Variants in NXPH2 observed in about 807,000 individuals in gnomAD.
NXPH2 encodes the protein neurexophilin 2.
A neutral mutation model predicts 19.8 loss-of-function variants in NXPH2; 5 were observed. The observed-to-expected ratio is 0.25, with a 90% confidence interval of 0.13 to 0.53. The LOEUF is 0.53. Among genes scored for constraint, NXPH2 ranks in the 20% least tolerant of loss-of-function variants. NXPH2 has a pLI of 0.96. For synonymous variants in NXPH2, 154 were observed against 127.4 expected, an observed-to-expected ratio of 1.21 and a Z score of -1.41; for missense variants, 289 against 322.8, an observed-to-expected ratio of 0.90 and a Z score of 0.80.
chr2:138,722,232 G>A (rs1681292839), intron 1 of NXPH2, among the ~76,000 whole-genome samples: 1 of 152,240 alleles, frequency 6.6e-6, no homozygotes. Flanking sequence ...ATTTAAGGTG[G>A]TCAAGAAAGG....
At position 138,670,969 on chromosome 2, in the gene NXPH2, GGC is replaced by G; in HGVS notation, c.746_747del (p.Cys249SerfsTer2). The G allele has an allele frequency of 6.2e-7, 1 of 1,613,766 alleles. No individual in the cohort carries two copies. Among genetic ancestry groups the G allele is most frequent in the Non-Finnish European group, 8.5e-7 (1 of 1,179,868 alleles). The part of the protein sequence containing the change: ...SVDYKLVQKV[C>X]PDYNYHSETP... ...GTCTCACTATGGTAATTGTAGTCAG[GGC>G]ACACCTTTTGCACGAGTTTATAATC... On this transcript the variant is annotated frameshift_variant, in exon 2 of 2. Transcript: ENST00000272641. LOFTEE classifies it high-confidence loss of function.
At chr2:138,688,545 A>C (rs898698001) in intron 1 of NXPH2, among the ~76,000 whole-genome samples, 8 of 152,182 alleles carry the variant, frequency 5.3e-5, no homozygotes, top group African/African-American at 1.9e-4. Context: ...TTACAAACTC[A>C]GCAGTGGGAC....
At chr2:138,673,244 T>A (rs1680438064) in intron 1 of NXPH2, among the ~76,000 whole-genome samples, 1 of 152,182 alleles carries the variant, frequency 6.6e-6, no homozygotes, top group South Asian at 2.1e-4. Context: ...CCTGAATTGA[T>A]ACTCCTTTCT....
intron 1 of NXPH2, among the ~76,000 whole-genome samples, chr2:138,692,249 C>T (rs1232639281): frequency 2.0e-5 from 3 of 152,166 alleles, no homozygotes; most frequent in East Asian, 1.9e-4. Flanking sequence ...CAGACCCAAT[C>T]CCTGATTTTT....
chr2:138,705,769 C>T (rs1050630909), intron 1 of NXPH2, among the ~76,000 whole-genome samples: 4 of 150,816 alleles, frequency 2.7e-5, no homozygotes, highest in Middle Eastern at 3.2e-3. Context: ...CTCTCTCTTT[C>T]TAGAGTCTTA....
intron 1 of NXPH2, among the ~76,000 whole-genome samples, chr2:138,674,034 G>A (rs763503303): frequency 9.9e-5 from 15 of 152,046 alleles, no homozygotes; most frequent in Non-Finnish European, 2.2e-4. Flanking sequence ...ACCCAGGCTG[G>A]AGGCATAATC....
chr2:138,674,117 A>G (rs976437703), intron 1 of NXPH2, among the ~76,000 whole-genome samples: 2 of 151,886 alleles, frequency 1.3e-5, no homozygotes, highest in Non-Finnish European at 2.9e-5. Flanking sequence ...AGCTAGGAAT[A>G]CAGGTGCACA....
At chr2:138,773,639 T>C (rs1354308368) in intron 1 of NXPH2, among the ~76,000 whole-genome samples, 1 of 152,180 alleles carries the variant, frequency 6.6e-6, no homozygotes, top group Non-Finnish European at 1.5e-5. Context: ...GGCGAATAAA[T>C]ATACCTGCTA....
At chr2:138,770,388 T>C (rs1682159088) in intron 1 of NXPH2, among the ~76,000 whole-genome samples, 1 of 152,118 alleles carries the variant, frequency 6.6e-6, no homozygotes, top group South Asian at 2.1e-4. Flanking sequence ...ATAATAAACT[T>C]CATACTTAGT....
intron 1 of NXPH2, among the ~76,000 whole-genome samples, chr2:138,713,807 T>C (rs776833327): frequency 4.6e-5 from 7 of 152,104 alleles, no homozygotes; most frequent in Non-Finnish European, 8.8e-5. Flanking sequence ...ATCAGGGGAA[T>C]CCAATGTGTT....
At position 138,670,696 on chromosome 2, in the gene NXPH2, TTTC is replaced by T; in HGVS notation, c.*223_*225del. On this transcript the variant is annotated 3_prime_UTR_variant, in exon 2 of 2. Coordinates refer to ENST00000272641, the MANE Select transcript of NXPH2 (RefSeq NM_007226.3). ...TAGTCATCTTGCATGAAAGTGATGG[TTTC>T]ATAAACAGTTTAACTTTTTAGATAA... is the stretch of plus-strand genomic sequence containing the variant. 2.4e-6 allele frequency: 1 copy of T among 420,574 alleles called. No homozygotes were observed. The highest frequency in any genetic ancestry group is 4.2e-6 in the Non-Finnish European group (1 of 238,970). 26.1% of individuals were successfully genotyped at this position (420,574 alleles called of 1,614,324 possible). A position where few individuals can be genotyped will look rare whatever the true frequency, so the allele number is the denominator to read the frequency against.
intron 1 of NXPH2, among the ~76,000 whole-genome samples, chr2:138,757,542 G>A (rs1188561168): frequency 6.6e-6 from 1 of 151,958 alleles, no homozygotes; most frequent in East Asian, 1.9e-4. Context: ...CGTCCTTGTG[G>A]CATTCCCGTT....
rs113104528 is a variant in NXPH2, at chr2:138,751,277, G to A, written c.51+28914C>T. ...AGATCCAGCTACCCACAGAAACCCA[G>A]ATAAGAAAGATAATATTTAGGGAAG... is the stretch of plus-strand genomic sequence containing the variant. On this transcript the variant is annotated intron_variant, in intron 1 of 1. Coordinates refer to ENST00000272641, the MANE Select transcript of NXPH2 (RefSeq NM_007226.3). Among the ~76,000 whole-genome samples, 81 of 152,226 alleles carry A rather than the reference G, an allele frequency of 5.3e-4. 1 individual carries two copies. The highest frequency in any genetic ancestry group is 7.9e-4 in the Non-Finnish European group (54 of 68,010).
chr2:138,704,482 T>C (rs915382882), intron 1 of NXPH2, among the ~76,000 whole-genome samples: 3 of 152,214 alleles, frequency 2.0e-5, no homozygotes, highest in South Asian at 2.1e-4. Flanking sequence ...AAGCATCAGA[T>C]TGGCACCTAA....
intron 1 of NXPH2, among the ~76,000 whole-genome samples, chr2:138,733,310 T>C (rs1406753241): frequency 6.6e-6 from 1 of 152,166 alleles, no homozygotes; most frequent in Non-Finnish European, 1.5e-5. Context: ...TGAGAGTAAC[T>C]CAGAAAGAAC....
At chr2:138,737,207 G>A (rs1681563314) in intron 1 of NXPH2, among the ~76,000 whole-genome samples, 1 of 152,132 alleles carries the variant, frequency 6.6e-6, no homozygotes, top group Non-Finnish European at 1.5e-5. Flanking sequence ...CTGTTTTCAT[G>A]CTGCTGATAA....
rs2104841529 is a variant in NXPH2 at position 138,766,012 on chromosome 2, C to A, written c.51+14179G>T. On this transcript the variant is annotated intron_variant, in intron 1 of 1. Transcript: ENST00000272641. ...CAACTGATAATATCTGAACCTGACA[C>A]AAAACGAAATGTGTGACAGTGTCTA... is the stretch of plus-strand genomic sequence containing the variant. 2.0e-5 allele frequency among the ~76,000 whole-genome samples: 3 copies of A among 152,242 alleles called. No individual in the cohort carries two copies. In the Middle Eastern group the frequency reaches 0.01, roughly 518 times the overall value.
chr2:138,725,802 T>TA (rs536441778), intron 1 of NXPH2, among the ~76,000 whole-genome samples: 468 of 152,290 alleles, frequency 3.1e-3, no homozygotes, highest in Admixed American at 4.6e-3. Context: ...TTCCCCTGCA[T>TA]AAAAAATCCA....
At chr2:138,713,529 C>T (rs1681138747) in intron 1 of NXPH2, among the ~76,000 whole-genome samples, 1 of 152,016 alleles carries the variant, frequency 6.6e-6, no homozygotes, top group South Asian at 2.1e-4. Context: ...GAAAGGAAAA[C>T]ATGATATATG....
Sources: allele counts gnomAD v4.1 joint callset (sites outside exome capture counted in the v4.1 genomes callset), GRCh38; gene constraint gnomAD v4.1.1; transcripts MANE v1.5; gene names NCBI Gene and HGNC (gene_info 2026-07-23, HGNC 2026-07-21).